Variants in MALRD1 observed in about 807,000 individuals in gnomAD.
The protein encoded by MALRD1 is MAM and LDL receptor class A domain containing 1, also known as MAM and LDL-receptor class A domain-containing protein 1.
Under a neutral mutation model 242.1 loss-of-function variants are expected in MALRD1, and 247 were observed. That is an observed-to-expected ratio of 1.02 (90% CI 0.92 to 1.13). The LOEUF is 1.13. Ranked by LOEUF, MALRD1 falls within the 50% of genes most tolerant of loss-of-function variation. The probability of loss-of-function intolerance (pLI) is 0.00; values close to 1 mark genes in which losing one functional copy is unlikely to be tolerated. For missense variants in MALRD1, 2,989 were observed against 2,533.1 expected (o/e 1.18, Z -3.86); for synonymous variants, 995 against 866.6 (o/e 1.15, Z -2.60).
chr10:19,681,075 C>T (rs779793667), intron 36 of MALRD1, among the ~76,000 whole-genome samples: 1 of 152,120 alleles, frequency 6.6e-6, no homozygotes, highest in Non-Finnish European at 1.5e-5. Flanking sequence ...CTGCCCTTAA[C>T]ATTTTTTTCC....
chr10:19,146,067 A>G (rs940484997), intron 10 of MALRD1, 131 bp from the exon 11 acceptor site: 3 of 607,904 alleles, frequency 4.9e-6, no homozygotes, highest in Non-Finnish European at 7.2e-6. Context: ...AGCTATTCCG[A>G]TCATTAGAGA....
chr10:19,213,777 T>C (rs1005663429), intron 18 of MALRD1, among the ~76,000 whole-genome samples: 1 of 152,198 alleles, frequency 6.6e-6, no homozygotes, highest in Non-Finnish European at 1.5e-5. Flanking sequence ...TGGAAGTATA[T>C]ATAAATATTC....
chr10:19,237,751 A>G (rs1393691609), intron 18 of MALRD1, among the ~76,000 whole-genome samples: 3 of 116,558 alleles, frequency 2.6e-5, no homozygotes, highest in South Asian at 4.9e-4. Context: ...ATTTATATAT[A>G]AAACCATAAT....
At chr10:19,582,064 G>A (rs1382355802) in intron 33 of MALRD1, among the ~76,000 whole-genome samples, 2 of 151,822 alleles carry the variant, frequency 1.3e-5, no homozygotes, top group African/African-American at 4.8e-5. Flanking sequence ...CTTTTTGATG[G>A]GGTTGTTTGT....
chr10:19,391,383 A>C (rs1846330033), intron 28 of MALRD1, among the ~76,000 whole-genome samples: 1 of 152,192 alleles, frequency 6.6e-6, no homozygotes, highest in African/African-American at 2.4e-5. Context: ...TGTATTTTCA[A>C]CCAGCCTTAC....
chr10:19,571,404 C>T (rs193155733), intron 33 of MALRD1, among the ~76,000 whole-genome samples: 22 of 152,104 alleles, frequency 1.4e-4, no homozygotes, highest in African/African-American at 4.6e-4. Context: ...TATATATATG[C>T]CTCAGAGACA....
intron 1 of MALRD1, among the ~76,000 whole-genome samples, chr10:19,055,945 A>C (rs1213882743): frequency 6.6e-6 from 1 of 152,186 alleles, no homozygotes; most frequent in Non-Finnish European, 1.5e-5. Context: ...CTCATGACAC[A>C]CAACTTACCT....
At chr10:19,338,461 TG>T (rs1459036920) in intron 24 of MALRD1, among the ~76,000 whole-genome samples, 1 of 146,294 alleles carries the variant, frequency 6.8e-6, no homozygotes, top group African/African-American at 2.7e-5. Flanking sequence ...CAATTAATAA[TG>T]GATGTGATAG....
intron 24 of MALRD1, among the ~76,000 whole-genome samples, chr10:19,346,310 A>G (rs1844122342): frequency 6.6e-6 from 1 of 152,184 alleles, no homozygotes; most frequent in Non-Finnish European, 1.5e-5. Flanking sequence ...GAATTACCAT[A>G]GCATCTGTGG....
intron 36 of MALRD1, among the ~76,000 whole-genome samples, chr10:19,631,206 C>T (rs1777632773): frequency 6.6e-6 from 1 of 152,142 alleles, no homozygotes; most frequent in Non-Finnish European, 1.5e-5. Flanking sequence ...CATGTGTTCT[C>T]ATCATTTAGC....
At chr10:19,732,821 C>T (rs1835350408) in intron 39 of MALRD1, among the ~76,000 whole-genome samples, 1 of 152,130 alleles carries the variant, frequency 6.6e-6, no homozygotes, top group Non-Finnish European at 1.5e-5. Flanking sequence ...CACCTTTCAA[C>T]CTGCTTTCAA....
intron 32 of MALRD1, among the ~76,000 whole-genome samples, chr10:19,543,420 G>A (rs922941323): frequency 1.0e-5 from 1 of 95,998 alleles, no homozygotes; most frequent in East Asian, 3.1e-4. Flanking sequence ...TAAAAATCAT[G>A]CCCAGCTGAT....
At chr10:19,238,768 G>T (rs1380583309) in intron 18 of MALRD1, among the ~76,000 whole-genome samples, 7 of 146,744 alleles carry the variant, frequency 4.8e-5, no homozygotes, top group African/African-American at 1.8e-4. Flanking sequence ...TGTTTTTTTT[G>T]TTTTTTTTTA....
intron 13 of MALRD1, among the ~76,000 whole-genome samples, chr10:19,171,919 T>TC (rs1352887676): frequency 3.1e-4 from 40 of 127,364 alleles, no homozygotes; most frequent in Non-Finnish European, 3.4e-4. Flanking sequence ...ATATGATATA[T>TC]ACATATATGT....
At chr10:19,507,788 A>G (rs1458315490) in intron 31 of MALRD1, among the ~76,000 whole-genome samples, 2 of 152,238 alleles carry the variant, frequency 1.3e-5, no homozygotes, top group Non-Finnish European at 2.9e-5. Context: ...CAATCACCAC[A>G]TTGAAAATGT....
chr10:19,687,044 G>T (rs947913092), intron 36 of MALRD1, among the ~76,000 whole-genome samples: 11 of 149,906 alleles, frequency 7.3e-5, no homozygotes, highest in African/African-American at 2.7e-4. Flanking sequence ...CTCCTATTAA[G>T]CTTAATTGTT....
chr10:19,685,602 T>G (rs1299961481), intron 36 of MALRD1, among the ~76,000 whole-genome samples: 1 of 152,188 alleles, frequency 6.6e-6, no homozygotes, highest in Non-Finnish European at 1.5e-5. Context: ...GAACATGAAC[T>G]GATGGAAAAG....
At chr10:19,185,947 T>G (rs1415536228) in intron 14 of MALRD1, among the ~76,000 whole-genome samples, 1 of 152,082 alleles carries the variant, frequency 6.6e-6, no homozygotes, top group Admixed American at 6.6e-5. Flanking sequence ...AATTATAATA[T>G]TAAAGGATTT....
intron 38 of MALRD1, among the ~76,000 whole-genome samples, chr10:19,714,105 C>T (rs1361992168): frequency 6.6e-6 from 1 of 152,120 alleles, no homozygotes; most frequent in Non-Finnish European, 1.5e-5. Context: ...TTGTGTTATT[C>T]AGCTCCATTA....
Sources: gnomAD v4.1 joint callset for allele counts (sites outside exome capture counted in the v4.1 genomes callset) on GRCh38, gnomAD v4.1.1 for gene constraint, MANE v1.5 for transcripts, NCBI Gene and HGNC (gene_info 2026-07-23, HGNC 2026-07-21) for gene names.